DLG2: variants seen among roughly 807,000 people sequenced by gnomAD.
The protein encoded by DLG2 is disks large homolog 2.
Under a neutral mutation model 132.5 loss-of-function variants are expected in DLG2, and 45 were observed. The observed-to-expected ratio is 0.34, with a 90% CI of 0.27 to 0.44. The LOEUF (loss-of-function observed/expected upper bound fraction) is 0.44. Among genes scored for constraint, DLG2 ranks in the 20% least tolerant of loss-of-function variants. The probability of loss-of-function intolerance (pLI) is 1.00; values close to 1 mark genes in which losing one functional copy is unlikely to be tolerated. For synonymous variants in DLG2, 424 were observed against 419.6 expected, an observed-to-expected ratio of 1.01 and a Z score of -0.13; for missense variants, 1,045 against 1,196.9, an observed-to-expected ratio of 0.87 and a Z score of 1.87.
At chr11:85,148,470 T>C (rs944226049) in intron 5 of DLG2, among the ~76,000 whole-genome samples, 3 of 152,194 alleles carry the variant, frequency 2.0e-5, no homozygotes, top group East Asian at 1.9e-4. Context: ...TGGTACCTCA[T>C]TGTGGTTTTG....
intron 18 of DLG2, among the ~76,000 whole-genome samples, chr11:83,638,812 G>A (rs1051210212): frequency 3.3e-5 from 5 of 152,144 alleles, no homozygotes; most frequent in Admixed American, 6.5e-5. Flanking sequence ...CAAAGCTGCT[G>A]CTATTTTCAG....
intron 11 of DLG2, among the ~76,000 whole-genome samples, chr11:84,025,874 T>C (rs1014377274): frequency 2.0e-5 from 3 of 152,084 alleles, no homozygotes; most frequent in Admixed American, 6.6e-5. Flanking sequence ...AGCCAAATTG[T>C]GTAAGCATTC....
intron 15 of DLG2, among the ~76,000 whole-genome samples, chr11:83,925,960 T>A (rs1361179785): frequency 6.6e-6 from 1 of 152,094 alleles, no homozygotes; most frequent in Admixed American, 6.6e-5. Context: ...ATCCTATTTG[T>A]TTTTCAAATT....
chr11:84,167,695 T>A (rs2095702414), intron 8 of DLG2, among the ~76,000 whole-genome samples: 1 of 152,062 alleles, frequency 6.6e-6, no homozygotes. Context: ...AGACGGAGTT[T>A]CAGTCTTGTC....
intron 11 of DLG2, among the ~76,000 whole-genome samples, chr11:84,043,993 T>C (rs2096174161): frequency 6.6e-6 from 1 of 151,512 alleles, no homozygotes; most frequent in African/African-American, 2.4e-5. Context: ...GTTAAACTCT[T>C]TGTCTCCTTC....
chr11:84,672,993 C>T (rs772504318), intron 6 of DLG2, among the ~76,000 whole-genome samples: 1 of 151,890 alleles, frequency 6.6e-6, no homozygotes, highest in African/African-American at 2.4e-5. Flanking sequence ...GGGGTAGGTG[C>T]CATACACTTT....
chr11:84,730,579 C>A (rs1355539350), intron 6 of DLG2, among the ~76,000 whole-genome samples: 2 of 151,974 alleles, frequency 1.3e-5, no homozygotes, highest in African/African-American at 4.8e-5. Context: ...AAAAAATATA[C>A]TAAATCAGAG....
At chr11:83,724,056 C>T (rs1021392933) in intron 18 of DLG2, among the ~76,000 whole-genome samples, 2 of 152,104 alleles carry the variant, frequency 1.3e-5, no homozygotes, top group Admixed American at 1.3e-4. Context: ...TTTCCAGTTA[C>T]TTAACTATGT....
intron 3 of DLG2, among the ~76,000 whole-genome samples, chr11:85,332,967 C>G (rs1013785399): frequency 3.3e-5 from 5 of 151,986 alleles, no homozygotes; most frequent in African/African-American, 1.2e-4. Context: ...TTTTGAATAC[C>G]TTTTTCTAAT....
At chr11:84,171,366 T>C (rs977451313) in intron 8 of DLG2, among the ~76,000 whole-genome samples, 2 of 152,184 alleles carry the variant, frequency 1.3e-5, no homozygotes, top group African/African-American at 2.4e-5. Context: ...ACTGTATCTA[T>C]TGGGTAATTT....
chr11:83,517,482 C>T lies in DLG2; in HGVS notation c.2193+15226G>A, dbSNP rs942594755. On this transcript the variant is annotated intron_variant, in intron 21 of 27. Transcript: ENST00000376104. ...TGGGTTCAAACTTCCTTCTTTAGCT[C>T]GGAGTAGTTTGATCTTCTGAAGCCT... 5.3e-5 allele frequency among the ~76,000 whole-genome samples: 8 copies of T among 152,284 alleles called. No individual in the cohort carries two copies. In the East Asian group the frequency reaches 5.8e-4, roughly 11 times the overall value.
At chr11:84,664,756 A>T (rs746696126) in intron 6 of DLG2, among the ~76,000 whole-genome samples, 10 of 152,106 alleles carry the variant, frequency 6.6e-5, no homozygotes, top group African/African-American at 1.4e-4. Context: ...TTTCTATCAT[A>T]CTTCTCTCCT....
chr11:85,411,574 T>C (rs2089313021), intron 3 of DLG2, among the ~76,000 whole-genome samples: 1 of 151,914 alleles, frequency 6.6e-6, no homozygotes, highest in Non-Finnish European at 1.5e-5. Context: ...ATATAGGTGT[T>C]GCAAATTGTA....
chr11:83,800,257 A>C (rs986095532), intron 17 of DLG2, among the ~76,000 whole-genome samples: 15 of 152,222 alleles, frequency 9.9e-5, no homozygotes, highest in African/African-American at 3.4e-4. Context: ...TCTGGGCCTC[A>C]GTTTCTTTAT....
intron 3 of DLG2, among the ~76,000 whole-genome samples, chr11:85,512,056 A>C (rs1003837977): frequency 4.6e-5 from 7 of 152,092 alleles, no homozygotes; most frequent in African/African-American, 1.7e-4. Context: ...TCATAATATT[A>C]TATAATAGGA....
intron 7 of DLG2, among the ~76,000 whole-genome samples, chr11:84,410,878 C>A (rs1257939271): frequency 1.3e-5 from 2 of 152,010 alleles, no homozygotes; most frequent in Non-Finnish European, 1.5e-5. Flanking sequence ...CCGCACCCAG[C>A]CAAGTTAATA....
intron 9 of DLG2, among the ~76,000 whole-genome samples, chr11:84,143,556 A>G (rs1369178984): frequency 1.3e-5 from 2 of 152,180 alleles, no homozygotes; most frequent in Admixed American, 1.3e-4. Flanking sequence ...TTTCCTTCAA[A>G]CAATAGATAA....
chr11:84,807,371 G>C (rs565628305), intron 6 of DLG2, among the ~76,000 whole-genome samples: 1 of 152,008 alleles, frequency 6.6e-6, no homozygotes, highest in African/African-American at 2.4e-5. Context: ...GCTTGAACCC[G>C]GGAGGCAGAT....
At chr11:83,914,791 A>T (rs2076653653) in intron 15 of DLG2, among the ~76,000 whole-genome samples, 1 of 152,170 alleles carries the variant, frequency 6.6e-6, no homozygotes, top group South Asian at 2.1e-4. Context: ...TAATGAACAT[A>T]CTTTTTGATG....
Sources: allele counts gnomAD v4.1 joint callset (sites outside exome capture counted in the v4.1 genomes callset), GRCh38; gene constraint gnomAD v4.1.1; transcripts MANE v1.5; gene names NCBI Gene and HGNC (gene_info 2026-07-23, HGNC 2026-07-21).